Variants in ZNF638 observed in about 807,000 individuals in gnomAD.
The protein encoded by ZNF638 is zinc finger protein 638.
ZNF638 carries 46 observed loss-of-function variants against 195.6 expected under a neutral mutation model. The observed-to-expected ratio is 0.24, with a 90% CI of 0.19 to 0.30. The LOEUF is 0.30. Among genes scored for constraint, ZNF638 ranks in the 10% least tolerant of loss-of-function variants. The pLI, the probability that ZNF638 is intolerant of heterozygous loss-of-function variation, is 1.00. For missense variants in ZNF638, 2,440 were observed against 2,325.3 expected, an observed-to-expected ratio of 1.05 and a Z score of -1.01; for synonymous variants, 845 against 772.0, an observed-to-expected ratio of 1.09 and a Z score of -1.57.
chr2:71,391,701 A>G (rs995635907), intron 10 of ZNF638, among the ~76,000 whole-genome samples: 1 of 152,226 alleles, frequency 6.6e-6, no homozygotes, highest in African/African-American at 2.4e-5. Flanking sequence ...ATGATTATCA[A>G]AAATTACTGG....
chr2:71,414,025 G>C (rs372543542), intron 20 of ZNF638, among the ~76,000 whole-genome samples: 3 of 129,568 alleles, frequency 2.3e-5, no homozygotes, highest in Non-Finnish European at 4.8e-5. Flanking sequence ...CTCTTTTTCT[G>C]TTGATTGGAA....
At chr2:71,370,716 GTATA>G (rs1282132004) in intron 8 of ZNF638, among the ~76,000 whole-genome samples, 1 of 151,896 alleles carries the variant, frequency 6.6e-6, no homozygotes, top group Non-Finnish European at 1.5e-5. Context: ...TACATAGTAG[GTATA>G]TATATTTATG....
intron 12 of ZNF638, among the ~76,000 whole-genome samples, chr2:71,398,990 C>T (rs1054644947): frequency 3.9e-5 from 6 of 152,062 alleles, no homozygotes; most frequent in Non-Finnish European, 2.9e-5. Flanking sequence ...TATAACTGTA[C>T]ATTTTTGACA....
intron 26 of ZNF638, 68 bp from the exon 27 acceptor site, chr2:71,433,097 A>T: frequency 8.1e-7 from 1 of 1,240,310 alleles, no homozygotes; most frequent in East Asian, 2.3e-5. Context: ...AAATAAATGA[A>T]TAAATCGATG....
intron 3 of ZNF638, among the ~76,000 whole-genome samples, chr2:71,356,138 A>T (rs527346577): frequency 6.6e-6 from 1 of 152,296 alleles, no homozygotes; most frequent in Non-Finnish European, 1.5e-5. Flanking sequence ...AATCAGTGCA[A>T]ACCAAACACC....
intron 8 of ZNF638, among the ~76,000 whole-genome samples, chr2:71,371,602 T>C (rs1377293383): frequency 6.6e-6 from 1 of 152,230 alleles, no homozygotes; most frequent in Non-Finnish European, 1.5e-5. Flanking sequence ...TGATCAGTGA[T>C]GTTGAGTACC....
chr2:71,365,800 G>T (rs890638191), intron 6 of ZNF638, 94 bp downstream of exon 6: 2 of 1,215,866 alleles, frequency 1.6e-6, no homozygotes, highest in Admixed American at 2.6e-5. Context: ...GCTCACTGCA[G>T]CCTCGATCTC....
intron 1 of ZNF638, among the ~76,000 whole-genome samples, chr2:71,341,286 A>G (rs868299047): frequency 6.6e-6 from 1 of 152,232 alleles, no homozygotes; most frequent in African/African-American, 2.4e-5. Context: ...TTAGTTCTTA[A>G]AAGGACATAA....
intron 8 of ZNF638, among the ~76,000 whole-genome samples, chr2:71,374,563 G>A (rs367962219): frequency 6.6e-6 from 1 of 152,076 alleles, no homozygotes; most frequent in African/African-American, 2.4e-5. Flanking sequence ...AAACTTACTG[G>A]AATTTAATTA....
chr2:71,406,514 A>G (rs1317475569), intron 19 of ZNF638, among the ~76,000 whole-genome samples: 2 of 152,174 alleles, frequency 1.3e-5, no homozygotes. Flanking sequence ...TATAGTGTAG[A>G]CAGCATTATC....
In ZNF638 at chr2:71,378,225, C is replaced by G. The variant is rs534732507; in HGVS notation, c.2266-1997C>G. ...ATAATTTTCGTGTGAAATGTATAAT[C>G]AAAAATTGGAATGTAGCCAAGGAGT... is the stretch of plus-strand genomic sequence containing the variant. On this transcript the variant is annotated intron_variant, in intron 8 of 27. Transcript: ENST00000264447. Among the ~76,000 whole-genome samples the G allele has an allele frequency of 5.3e-5, 8 of 152,134 alleles. 1 individual carries two copies. In the South Asian group the frequency reaches 1.7e-3, roughly 32 times the overall value.
At chr2:71,372,551 G>A (rs533999637) in intron 8 of ZNF638, among the ~76,000 whole-genome samples, 62 of 152,336 alleles carry the variant, frequency 4.1e-4, no homozygotes, top group South Asian at 6.2e-4. Context: ...GGCTGTCTCT[G>A]CTACCCTCGT....
chr2:71,363,655 C>T (rs1007487421), intron 4 of ZNF638, among the ~76,000 whole-genome samples: 1 of 152,264 alleles, frequency 6.6e-6, no homozygotes, highest in East Asian at 1.9e-4. Flanking sequence ...ACTTTAAAAA[C>T]ATAATTGGAA....
chr2:71,352,337 G>A (rs953263936), intron 2 of ZNF638, among the ~76,000 whole-genome samples: 1 of 151,952 alleles, frequency 6.6e-6, no homozygotes, highest in African/African-American at 2.4e-5. Flanking sequence ...AATTAGCCGG[G>A]TGTGGTCATG....
At chr2:71,336,856 C>T (rs1456625706) in intron 1 of ZNF638, among the ~76,000 whole-genome samples, 1 of 152,192 alleles carries the variant, frequency 6.6e-6, no homozygotes, top group Non-Finnish European at 1.5e-5. Flanking sequence ...GCTGCACTAC[C>T]TCTCTAAAGC....
chr2:71,348,660 G>A (rs2078894544), intron 1 of ZNF638, 93 bp from the exon 2 acceptor site: 1 of 1,314,918 alleles, frequency 7.6e-7, no homozygotes, highest in Non-Finnish European at 9.8e-7. Flanking sequence ...TGGTTTCATG[G>A]CTTTATTTCA....
intron 3 of ZNF638, among the ~76,000 whole-genome samples, chr2:71,360,744 G>A (rs1332503530): frequency 6.6e-6 from 1 of 152,120 alleles, no homozygotes; most frequent in Non-Finnish European, 1.5e-5. Flanking sequence ...TTGGTGATGT[G>A]TATTTATTGC....
rs183761735 is a variant in ZNF638 at position 71,336,094 on chromosome 2, G to C, written c.-203+4219G>C. ...TTTAAAAATGTACTTGATAAGGCCG[G>C]GGCACGGTGGCTCACGCCTGTAATC... On this transcript the variant is annotated intron_variant, in intron 1 of 27. Transcript: ENST00000264447. Among the ~76,000 whole-genome samples the C allele has an allele frequency of 3.0e-3, 458 of 152,190 alleles. 2 individuals carry two copies. Among genetic ancestry groups the C allele is most frequent in the African/African-American group, 0.011 (442 of 41,530 alleles).
At chr2:71,388,330 G>C in intron 10 of ZNF638, 1 of 481,406 alleles carries the variant, frequency 2.1e-6, no homozygotes, top group Non-Finnish European at 3.8e-6. Flanking sequence ...TTGATCATCC[G>C]ACCTTTGATC....
Sources: allele counts gnomAD v4.1 joint callset (sites outside exome capture counted in the v4.1 genomes callset), GRCh38; gene constraint gnomAD v4.1.1; transcripts MANE v1.5; gene names NCBI Gene and HGNC (gene_info 2026-07-23, HGNC 2026-07-21).